The following ZNF143 variants were observed in gnomAD, a reference collection of about 807,000 sequenced individuals.
The protein encoded by ZNF143 is zinc finger protein 143.
Under a neutral mutation model 74.1 loss-of-function variants are expected in ZNF143, and 49 were observed. That is an observed-to-expected ratio of 0.66 (90% CI 0.53 to 0.84). ZNF143 has a LOEUF of 0.84. ZNF143 is among the 40% of genes least tolerant of loss of function. The probability of loss-of-function intolerance (pLI) is 0.00; values close to 1 mark genes in which losing one functional copy is unlikely to be tolerated. For synonymous variants in ZNF143, 304 were observed against 282.8 expected (o/e 1.07, Z -0.75); for missense variants, 637 against 793.4 (o/e 0.80, Z 2.37).
At chr11:9,515,675 GAAAA>G (rs891444706) in intron 13 of ZNF143, among the ~76,000 whole-genome samples, 6 of 132,696 alleles carry the variant, frequency 4.5e-5, no homozygotes, top group African/African-American at 1.7e-4. Context: ...AAAAGAAAAA[GAAAA>G]AGAAAAGAAA....
In ZNF143 at chr11:9,505,230, C is replaced by T. The variant is rs537192071; in HGVS notation, c.1148-3389C>T. Among the ~76,000 whole-genome samples, 116 of 133,228 alleles carry T rather than the reference C, an allele frequency of 8.7e-4. 33 individuals carry two copies. The highest frequency in any genetic ancestry group is 1.8e-3 in the Non-Finnish European group (104 of 57,466). 87.4% of individuals were successfully genotyped at this position (133,228 alleles called of 152,430 possible). A position where few individuals can be genotyped will look rare whatever the true frequency, so the allele number is the denominator to read the frequency against. On this transcript the variant is annotated intron_variant, in intron 11 of 15. Transcript: ENST00000396602. Reference sequence around the variant, plus strand: ...GTTGTGATCCACCCACCTTGGCCTCCCAAAGTGCTAGGATTACAGGCGTGA... The same window carrying T: ...GTTGTGATCCACCCACCTTGGCCTCTCAAAGTGCTAGGATTACAGGCGTGA...
At chr11:9,504,078 G>GC (rs1435691863) in intron 11 of ZNF143, among the ~76,000 whole-genome samples, 1 of 140,908 alleles carries the variant, frequency 7.1e-6, no homozygotes, top group Admixed American at 7.6e-5. Context: ...TTCTGCCTCA[G>GC]CCCCCACAAG....
At position 9,472,714 on chromosome 11, in the gene ZNF143, G is replaced by T. The variant is rs948491200; in HGVS notation, c.150G>T (p.Leu50Phe). The change falls in exon 3 of 16, where the codon TTG becomes TTT. Residue 50 changes from leucine to phenylalanine, a missense_variant. Coordinates refer to ENST00000396602, the MANE Select transcript of ZNF143 (RefSeq NM_003442.6). The stretch of plus-strand genomic sequence containing the variant: ...TAGAAAATATGGAAGGCGTAAGCTT[G>T]CAAGCAGTAACACTTGCAGATGGTT... ...DNLENMEGVS[L>F]QAVTLADGST... The T allele has an allele frequency of 2.5e-6, 4 of 1,605,232 alleles. No individual in the cohort carries two copies. Among genetic ancestry groups the T allele is most frequent in the Non-Finnish European group, 3.4e-6 (4 of 1,177,464 alleles).
rs552289297 is a variant in ZNF143, at chr11:9,508,548, T to TG, written c.1148-64dup. ...TTATTTTTAGAGGTATTTTACCCCC[T>TG]GGGGGGGAAGTATGGAATGATTTTG... On this transcript the variant is annotated intron_variant, in intron 11 of 15. Coordinates refer to ENST00000396602, the MANE Select transcript of ZNF143 (RefSeq NM_003442.6). 37 of 1,420,566 alleles carry TG rather than the reference T, an allele frequency of 2.6e-5. No individual in the cohort carries two copies. The Middle Eastern group carries it at 1.1e-3, about 42-fold the overall frequency. The allele number at this position is 1,420,566 out of a possible 1,614,324, so 88.0% of individuals were successfully genotyped here. A position where few individuals can be genotyped will look rare whatever the true frequency, so the allele number is the denominator to read the frequency against.
At chr11:9,488,677 A>C (rs1847655143) in intron 7 of ZNF143, among the ~76,000 whole-genome samples, 1 of 152,170 alleles carries the variant, frequency 6.6e-6, no homozygotes, top group Non-Finnish European at 1.5e-5. Context: ...TTAATAGCAC[A>C]GTTTTACTAG....
chr11:9,508,554 G>A, intron 11 of ZNF143, 65 bp from the exon 12 acceptor site: 2 of 1,477,406 alleles, frequency 1.4e-6, no homozygotes, highest in South Asian at 1.2e-5. Flanking sequence ...CCCCTGGGGG[G>A]GAAGTATGGA....
intron 7 of ZNF143, among the ~76,000 whole-genome samples, chr11:9,481,393 T>G (rs1347832229): frequency 6.6e-6 from 1 of 151,492 alleles, no homozygotes. Context: ...CTCCCCCACC[T>G]CCCAAAAAAT....
At chr11:9,520,585 G>A (rs1022682861) in intron 14 of ZNF143, among the ~76,000 whole-genome samples, 4 of 151,978 alleles carry the variant, frequency 2.6e-5, no homozygotes, top group African/African-American at 9.7e-5. Flanking sequence ...AAGGTCAGGA[G>A]TTCGAGACCA....
chr11:9,473,187 T>G (rs1250661434), intron 3 of ZNF143, among the ~76,000 whole-genome samples: 1 of 151,970 alleles, frequency 6.6e-6, no homozygotes, highest in Non-Finnish European at 1.5e-5. Flanking sequence ...GGTCGGGAGT[T>G]CGAGACCAGC....
chr11:9,497,321 C>T (rs2134065902), intron 9 of ZNF143, among the ~76,000 whole-genome samples: 1 of 152,286 alleles, frequency 6.6e-6, no homozygotes, highest in Admixed American at 6.5e-5. Context: ...ACCTCTGCTT[C>T]AGGGTTCAAG....
intron 4 of ZNF143, 57 bp from the exon 5 acceptor site, chr11:9,474,493 G>T (rs1430721679): frequency 1.3e-6 from 2 of 1,540,920 alleles, no homozygotes; most frequent in South Asian, 2.2e-5. Flanking sequence ...GTTGCTAAGT[G>T]AGTTAATTGG....
At chr11:9,518,406 C>T (rs1848794919) in intron 14 of ZNF143, among the ~76,000 whole-genome samples, 1 of 152,150 alleles carries the variant, frequency 6.6e-6, no homozygotes, top group African/African-American at 2.4e-5. Context: ...AGATGTTCAA[C>T]ATCATTAGTC....
At position 9,479,516 on chromosome 11, in the gene ZNF143, T is replaced by C; in HGVS notation, c.615T>C (p.Ile205=). 6.2e-7 allele frequency: 1 copy of C among 1,613,408 alleles called. No individual in the cohort carries two copies. The highest frequency in any genetic ancestry group is 1.1e-5 in the South Asian group (1 of 91,052). The change falls in exon 7 of 16, where the codon ATT becomes ATC. Residue 205 remains isoleucine, a synonymous_variant. Coordinates refer to ENST00000396602, the MANE Select transcript of ZNF143 (RefSeq NM_003442.6). ...AAAGTGTAGCAGGTACTGGAATGAT[T>C]GGAGAAAATGAGCAAGAGAAAAAAA... ...GSESVAGTGM[I]GENEQEKKMQ...
intron 2 of ZNF143, among the ~76,000 whole-genome samples, chr11:9,472,216 A>G (rs537196213): frequency 6.6e-6 from 1 of 152,044 alleles, no homozygotes; most frequent in Non-Finnish European, 1.5e-5. Context: ...GGCATGAGCC[A>G]TTGTTCCCAG....
chr11:9,488,726 A>G (rs1847657268), intron 7 of ZNF143, among the ~76,000 whole-genome samples: 1 of 152,144 alleles, frequency 6.6e-6, no homozygotes, highest in Non-Finnish European at 1.5e-5. Context: ...ACAGTATTTT[A>G]TTTATCATTT....
intron 2 of ZNF143, among the ~76,000 whole-genome samples, chr11:9,472,084 G>A (rs1391953099): frequency 2.7e-5 from 4 of 148,624 alleles, no homozygotes; most frequent in Admixed American, 6.7e-5. Context: ...ACCCACCAGC[G>A]TGCCCAGCTA....
intron 1 of ZNF143, among the ~76,000 whole-genome samples, chr11:9,466,956 C>T (rs1330371365): frequency 3.3e-5 from 5 of 151,446 alleles, no homozygotes; most frequent in Admixed American, 6.6e-5. Context: ...TGCAGTGGCG[C>T]GATCTCGGCT....
chr11:9,525,500 C>T (rs1849092488), intron 15 of ZNF143, 114 bp downstream of exon 15: 4 of 1,363,884 alleles, frequency 2.9e-6, no homozygotes, highest in Non-Finnish European at 4.2e-6. Context: ...AGAATAATCT[C>T]TATCACCTAG....
intron 13 of ZNF143, 65 bp from the exon 14 acceptor site, chr11:9,516,136 C>T (rs548499197): frequency 1.3e-6 from 2 of 1,541,152 alleles, no homozygotes; most frequent in East Asian, 4.5e-5. Context: ...AGTCCTGGTC[C>T]TTATGGAAGA....
Sources: gnomAD v4.1 joint callset for allele counts (sites outside exome capture counted in the v4.1 genomes callset) on GRCh38, gnomAD v4.1.1 for gene constraint, MANE v1.5 for transcripts, NCBI Gene and HGNC (gene_info 2026-07-23, HGNC 2026-07-21) for gene names.